Variants in KIF3C observed in about 807,000 individuals in gnomAD.
KIF3C encodes kinesin-like protein KIF3C.
Under a neutral mutation model 67.7 loss-of-function variants are expected in KIF3C, and 12 were observed. That is an observed-to-expected ratio of 0.18 (90% CI 0.11 to 0.29). The LOEUF (loss-of-function observed/expected upper bound fraction) is 0.29. KIF3C is among the 10% of genes least tolerant of loss of function. The pLI is 1.00. For synonymous variants in KIF3C, 393 were observed against 426.2 expected, an observed-to-expected ratio of 0.92 and a Z score of 0.96; for missense variants, 789 against 1,059.6, an observed-to-expected ratio of 0.74 and a Z score of 3.55.
At chr2:25,972,441 C>A (rs763836235) in intron 1 of KIF3C, among the ~76,000 whole-genome samples, 1 of 152,174 alleles carries the variant, frequency 6.6e-6, no homozygotes, top group Non-Finnish European at 1.5e-5. Context: ...ACCACACCCA[C>A]CAGGGATGAG....
At chr2:25,953,056 G>A (rs1024368480) in intron 4 of KIF3C, among the ~76,000 whole-genome samples, 7 of 151,510 alleles carry the variant, frequency 4.6e-5, no homozygotes, top group Non-Finnish European at 8.8e-5. Flanking sequence ...ATCACCTGAG[G>A]TCAGGAGTTT....
rs1271483490 is a variant in KIF3C at position 25,958,495 on chromosome 2, C to T, written c.1546-2051G>A. On this transcript the variant is annotated intron_variant, in intron 1 of 7. Coordinates refer to ENST00000264712, the MANE Select transcript of KIF3C (RefSeq NM_002254.8). This position sits in a 1 kb window ranked among gnomAD's most constrained non-coding sequence, Gnocchi z 4.5. ...ACTCAGGAGGCTGAGGCAGGAGAAT[C>T]GGTTGAACTAGGGAGGCAGAGGCTG... Among the ~76,000 whole-genome samples, 4 of 151,998 alleles carry T rather than the reference C, an allele frequency of 2.6e-5. No individual in the cohort carries two copies. The highest frequency in any genetic ancestry group is 5.9e-5 in the Non-Finnish European group (4 of 68,006).
At chr2:25,940,435 G>A (rs1663251647) in intron 5 of KIF3C, among the ~76,000 whole-genome samples, 1 of 151,822 alleles carries the variant, frequency 6.6e-6, no homozygotes, top group South Asian at 2.1e-4. Flanking sequence ...GCCAGGTGTG[G>A]TGGCGTATGC....
intron 5 of KIF3C, among the ~76,000 whole-genome samples, chr2:25,930,906 G>A (rs936456987): frequency 1.3e-5 from 2 of 151,862 alleles, no homozygotes; most frequent in African/African-American, 4.8e-5. Context: ...AGCTGGTCTC[G>A]AACTCCTGAC....
intron 5 of KIF3C, among the ~76,000 whole-genome samples, chr2:25,940,854 T>C (rs1663267005): frequency 6.6e-6 from 1 of 151,768 alleles, no homozygotes; most frequent in African/African-American, 2.4e-5. Context: ...GGTTTCACCA[T>C]GTTGGCCAGG....
intron 1 of KIF3C, among the ~76,000 whole-genome samples, chr2:25,963,993 G>A (rs1042242745): frequency 4.6e-5 from 7 of 151,984 alleles, no homozygotes; most frequent in Non-Finnish European, 7.4e-5. Context: ...CCCTGGCTCC[G>A]CATGAAGTAT....
chr2:25,941,555 T>C (rs1663282657), intron 5 of KIF3C, among the ~76,000 whole-genome samples: 1 of 148,670 alleles, frequency 6.7e-6, no homozygotes, highest in Non-Finnish European at 1.5e-5. Context: ...CTGTCTCTAT[T>C]TAAAAAAAAA....
chr2:25,955,487 CAG>C lies in KIF3C; in HGVS notation c.1770+52_1770+53del, dbSNP rs1240887863. The C allele has an allele frequency of 3.1e-6, 5 of 1,602,010 alleles. No homozygotes were observed. The highest frequency in any genetic ancestry group is 1.1e-5 in the South Asian group (1 of 89,630). On this transcript the variant is annotated intron_variant, in intron 3 of 7. Transcript: ENST00000264712. The surrounding 1 kb of genome is among the most constrained non-coding windows in gnomAD (Gnocchi z 5.0). ...GTCCCTGAAGCACACATCCCTTGGGCAGAGACTGCTGGGCCTCCAGCACACCT... is the reference window on the plus strand; with the variant it reads ...GTCCCTGAAGCACACATCCCTTGGGCAGACTGCTGGGCCTCCAGCACACCT...
In KIF3C at chr2:25,958,719, C is replaced by T. The variant is rs984624525; in HGVS notation, c.1546-2275G>A. Among the ~76,000 whole-genome samples, 3 of 152,340 alleles carry T rather than the reference C, an allele frequency of 2.0e-5. No homozygotes were observed. Among genetic ancestry groups the T allele is most frequent in the East Asian group, 1.9e-4 (1 of 5,182 alleles). The stretch of plus-strand genomic sequence containing the variant: ...GGCCCCGGGAGCTGGCCTGGCCTCC[C>T]GGTTCCTCTTACTATTCATGCTCTG... On this transcript the variant is annotated intron_variant, in intron 1 of 7. Transcript: ENST00000264712. The surrounding 1 kb of genome is among the most constrained non-coding windows in gnomAD (Gnocchi z 4.5).
At chr2:25,952,862 A>T (rs1343614066) in intron 4 of KIF3C, among the ~76,000 whole-genome samples, 1 of 151,980 alleles carries the variant, frequency 6.6e-6, no homozygotes, top group Non-Finnish European at 1.5e-5. Context: ...TGTATATTTT[A>T]AAATAACTTA....
At chr2:25,936,924 A>G (rs903795345) in intron 5 of KIF3C, among the ~76,000 whole-genome samples, 2 of 152,248 alleles carry the variant, frequency 1.3e-5, no homozygotes, top group African/African-American at 4.8e-5. Context: ...TTTTGGAGTA[A>G]GGCAGACCTG....
At chr2:25,941,786 G>A (rs1045890360) in intron 5 of KIF3C, among the ~76,000 whole-genome samples, 3 of 152,116 alleles carry the variant, frequency 2.0e-5, no homozygotes, top group African/African-American at 7.2e-5. Flanking sequence ...CAGCTACCCA[G>A]GAGGCTGAGG....
At chr2:25,960,628 C>T (rs1663919601) in intron 1 of KIF3C, among the ~76,000 whole-genome samples, 1 of 152,126 alleles carries the variant, frequency 6.6e-6, no homozygotes, top group Admixed American at 6.6e-5. Context: ...TAGTTATATG[C>T]CTCTCATTAA....
intron 5 of KIF3C, chr2:25,938,357 CAAAAA>C: frequency 3.1e-6 from 1 of 327,418 alleles, no homozygotes. Context: ...GTCTGAGTCT[CAAAAA>C]AAAAAAAAAA....
chr2:25,975,253 TG>T (rs143626503), intron 1 of KIF3C, among the ~76,000 whole-genome samples: 11,429 of 152,102 alleles, frequency 0.075, 490 homozygotes, highest in Middle Eastern at 0.095. Flanking sequence ...CTCAACCTCC[TG>T]GGCTCAAGCG....
At position 25,950,945 on chromosome 2, in the gene KIF3C, T is replaced by A. The variant is rs966112334; in HGVS notation, c.2006+844A>T. ...GAAAAGGAAGAAAGGAAAAAAAAAA[T>A]AACCAAGTAGGCATCTGATGCTTCA... On this transcript the variant is annotated intron_variant, in intron 5 of 7. Coordinates refer to ENST00000264712, the MANE Select transcript of KIF3C (RefSeq NM_002254.8). 1.2e-3 allele frequency among the ~76,000 whole-genome samples: 171 copies of A among 142,598 alleles called. 1 individual carries two copies. The highest frequency in any genetic ancestry group is 1.9e-3 in the Non-Finnish European group (124 of 63,782). 93.5% of individuals were successfully genotyped at this position (142,598 alleles called of 152,430 possible). A position where few individuals can be genotyped will look rare whatever the true frequency, so the allele number is the denominator to read the frequency against.
At chr2:25,978,099 G>A (rs887868373) in intron 1 of KIF3C, among the ~76,000 whole-genome samples, 3 of 152,092 alleles carry the variant, frequency 2.0e-5, no homozygotes, top group Non-Finnish European at 2.9e-5. Flanking sequence ...AGGGAAAGGC[G>A]GTTGCCCTGA....
intron 1 of KIF3C, among the ~76,000 whole-genome samples, chr2:25,960,395 G>T (rs1175219640): frequency 6.7e-6 from 1 of 149,286 alleles, no homozygotes; most frequent in African/African-American, 2.4e-5. Context: ...TCCAGTGAAA[G>T]CTCACAGAGG....
intron 1 of KIF3C, among the ~76,000 whole-genome samples, chr2:25,961,037 C>T (rs763098853): frequency 9.2e-5 from 14 of 152,236 alleles, no homozygotes; most frequent in African/African-American, 2.2e-4. Context: ...GCTGTGGTGA[C>T]TCCTTTAGGA....
Sources: allele counts gnomAD v4.1 joint callset (sites outside exome capture counted in the v4.1 genomes callset), GRCh38; gene constraint gnomAD v4.1.1; non-coding constraint Gnocchi (gnomAD v3.1); transcripts MANE v1.5; gene names NCBI Gene and HGNC (gene_info 2026-07-23, HGNC 2026-07-21).